Variants in DGKB observed in about 807,000 individuals in gnomAD.
The protein encoded by DGKB is 90 kDa diacylglycerol kinase.
A neutral mutation model predicts 114.3 loss-of-function variants in DGKB; 67 were observed. That is an observed-to-expected ratio of 0.59 (90% CI 0.48 to 0.72). DGKB has a LOEUF of 0.72. DGKB is among the 30% of genes least tolerant of loss of function. The probability of loss-of-function intolerance (pLI) is 0.00; values close to 1 mark genes in which losing one functional copy is unlikely to be tolerated. For synonymous variants in DGKB, 398 were observed against 323.1 expected (o/e 1.23, Z -2.49); for missense variants, 907 against 975.2 (o/e 0.93, Z 0.93).
At chr7:14,779,714 T>C (rs1232998318) in intron 2 of DGKB, among the ~76,000 whole-genome samples, 4 of 152,336 alleles carry the variant, frequency 2.6e-5, no homozygotes, top group Middle Eastern at 3.4e-3. Flanking sequence ...TTTCCTGCTA[T>C]AAAAGGTGAG....
intron 6 of DGKB, among the ~76,000 whole-genome samples, chr7:14,707,406 C>T (rs1826486112): frequency 6.9e-6 from 1 of 145,376 alleles, no homozygotes; most frequent in Non-Finnish European, 1.5e-5. Flanking sequence ...GAACTGGTAC[C>T]ATTCCTTCTG....
intron 2 of DGKB, among the ~76,000 whole-genome samples, chr7:14,827,721 A>G (rs1176763029): frequency 6.6e-6 from 1 of 152,022 alleles, no homozygotes; most frequent in African/African-American, 2.4e-5. Context: ...TATGGGGGGT[A>G]TGGTTTAGTT....
At chr7:14,856,229 G>A (rs989467197) in intron 1 of DGKB, among the ~76,000 whole-genome samples, 38 of 151,954 alleles carry the variant, frequency 2.5e-4, no homozygotes, top group Non-Finnish European at 3.7e-4. Flanking sequence ...TCTAAGAGTC[G>A]TAAAATTCCA....
At chr7:14,209,705 TAAAG>T (rs1787443171) in intron 23 of DGKB, among the ~76,000 whole-genome samples, 1 of 152,076 alleles carries the variant, frequency 6.6e-6, no homozygotes, top group African/African-American at 2.4e-5. Flanking sequence ...TAACAAGAAA[TAAAG>T]AAAAACTTCA....
intron 20 of DGKB, among the ~76,000 whole-genome samples, chr7:14,480,432 G>A (rs993808216): frequency 6.6e-6 from 1 of 152,022 alleles, no homozygotes; most frequent in Non-Finnish European, 1.5e-5. Flanking sequence ...TGTTCATTTG[G>A]ATGAGAATTC....
At chr7:14,272,900 G>C (rs1427379133) in intron 23 of DGKB, among the ~76,000 whole-genome samples, 1 of 152,172 alleles carries the variant, frequency 6.6e-6, no homozygotes, top group African/African-American at 2.4e-5. Context: ...GTGTAGGTTT[G>C]CATGTTGAGA....
intron 20 of DGKB, among the ~76,000 whole-genome samples, chr7:14,526,707 C>A (rs964941307): frequency 1.3e-5 from 2 of 152,046 alleles, no homozygotes; most frequent in African/African-American, 4.8e-5. Context: ...GGATATCAAA[C>A]AATGCATTTT....
At chr7:14,311,340 T>G (rs1805361226) in intron 23 of DGKB, among the ~76,000 whole-genome samples, 1 of 152,152 alleles carries the variant, frequency 6.6e-6, no homozygotes, top group South Asian at 2.1e-4. Flanking sequence ...ACATCCTTGG[T>G]AGTTGGCAGA....
At chr7:14,245,394 A>G (rs1794323764) in intron 23 of DGKB, among the ~76,000 whole-genome samples, 2 of 152,280 alleles carry the variant, frequency 1.3e-5, no homozygotes, top group Admixed American at 1.3e-4. Flanking sequence ...CCCTATTGGG[A>G]AAAGTACTCA....
At chr7:14,597,828 G>A (rs555830949) in intron 17 of DGKB, among the ~76,000 whole-genome samples, 1 of 151,740 alleles carries the variant, frequency 6.6e-6, no homozygotes, top group South Asian at 2.1e-4. Flanking sequence ...TAATTTACAT[G>A]TGTGTGTGTG....
At position 14,947,028 on chromosome 7, in the gene DGKB, C is replaced by G. The variant is rs568598606; in HGVS notation, c.-188+27668G>C. ...TTGTATTTTTTAAAAGATTAATTAG[C>G]ATAGAGAGTTTGTTTTACTTAAGAT... On this transcript the variant is annotated intron_variant, in intron 1 of 4. Transcript: ENST00000437998. Among the ~76,000 whole-genome samples the G allele has an allele frequency of 1.2e-3, 188 of 151,286 alleles. 2 individuals carry two copies. The highest frequency in any genetic ancestry group is 4.4e-3 in the African/African-American group (184 of 41,370).
chr7:14,152,688 C>T (rs1241838975), intron 25 of DGKB, among the ~76,000 whole-genome samples: 1 of 151,990 alleles, frequency 6.6e-6, no homozygotes, highest in East Asian at 1.9e-4. Flanking sequence ...TATAATTATT[C>T]AATATGAAAT....
At chr7:14,600,130 C>A (rs1473973995) in intron 17 of DGKB, among the ~76,000 whole-genome samples, 2 of 152,096 alleles carry the variant, frequency 1.3e-5, no homozygotes, top group Non-Finnish European at 2.9e-5. Flanking sequence ...TCAAGGATGG[C>A]ACGTTCTTGA....
intron 23 of DGKB, among the ~76,000 whole-genome samples, chr7:14,265,994 C>T (rs1584817201): frequency 6.6e-6 from 1 of 152,204 alleles, no homozygotes; most frequent in East Asian, 1.9e-4. Flanking sequence ...GTTTTTGAAG[C>T]ATCCTCTTGC....
chr7:14,376,628 A>T (rs1045727947), intron 21 of DGKB, among the ~76,000 whole-genome samples: 1 of 152,186 alleles, frequency 6.6e-6, no homozygotes, highest in Non-Finnish European at 1.5e-5. Context: ...CCATTGTTAC[A>T]GTGCTTTAAA....
At chr7:14,171,560 A>T (rs1781000708) in intron 25 of DGKB, among the ~76,000 whole-genome samples, 1 of 152,236 alleles carries the variant, frequency 6.6e-6, no homozygotes. Context: ...AAAGAAGTTT[A>T]ATCATACCAT....
intron 1 of DGKB, among the ~76,000 whole-genome samples, chr7:14,930,236 T>A (rs1784946848): frequency 6.6e-6 from 1 of 152,148 alleles, no homozygotes; most frequent in South Asian, 2.1e-4. Context: ...ATTTTAGGAT[T>A]TTTTTCTAAT....
intron 23 of DGKB, among the ~76,000 whole-genome samples, chr7:14,318,457 C>T (rs986546796): frequency 2.0e-5 from 3 of 152,092 alleles, no homozygotes; most frequent in African/African-American, 7.2e-5. Flanking sequence ...ACAAACAACC[C>T]CATCGAAAAG....
At chr7:14,783,880 G>C (rs1056604814) in intron 2 of DGKB, among the ~76,000 whole-genome samples, 2 of 152,112 alleles carry the variant, frequency 1.3e-5, no homozygotes, top group Non-Finnish European at 2.9e-5. Flanking sequence ...TTTTATTATA[G>C]AGTATTTCAC....
Sources: gnomAD v4.1 joint callset for allele counts (sites outside exome capture counted in the v4.1 genomes callset) on GRCh38, gnomAD v4.1.1 for gene constraint, MANE v1.5 for transcripts, NCBI Gene and HGNC (gene_info 2026-07-23, HGNC 2026-07-21) for gene names.